RASAL2: variants seen among roughly 807,000 people sequenced by gnomAD.
RASAL2 encodes ras GTPase-activating protein nGAP.
RASAL2 carries 58 observed loss-of-function variants against 128.9 expected under a neutral mutation model. That is an observed-to-expected ratio of 0.45 (90% CI 0.36 to 0.56). The LOEUF (loss-of-function observed/expected upper bound fraction) is 0.56. RASAL2 is among the 20% of genes least tolerant of loss of function. RASAL2 has a pLI of 0.00. For missense variants in RASAL2, 1,360 were observed against 1,601.6 expected (o/e 0.85, Z 2.57); for synonymous variants, 561 against 580.8 (o/e 0.97, Z 0.49).
intron 1 of RASAL2, among the ~76,000 whole-genome samples, chr1:178,155,409 G>GTT (rs34963730): frequency 7.0e-5 from 9 of 128,624 alleles, no homozygotes; most frequent in South Asian, 2.5e-4. Flanking sequence ...TTTTTAGAAA[G>GTT]TTTTTTTTTT....
intron 4 of RASAL2, among the ~76,000 whole-genome samples, chr1:178,394,415 T>C (rs1428207740): frequency 6.6e-6 from 1 of 152,232 alleles, no homozygotes; most frequent in Non-Finnish European, 1.5e-5. Flanking sequence ...GATTATGTCT[T>C]GTAATTGTGT....
intron 1 of RASAL2, among the ~76,000 whole-genome samples, chr1:178,161,272 T>G (rs1008104652): frequency 6.6e-6 from 1 of 152,192 alleles, no homozygotes; most frequent in African/African-American, 2.4e-5. Flanking sequence ...GCATTGTCAT[T>G]GTTCATTTCC....
intron 4 of RASAL2, among the ~76,000 whole-genome samples, chr1:178,413,526 C>G (rs892267162): frequency 2.6e-5 from 4 of 152,168 alleles, no homozygotes; most frequent in African/African-American, 9.7e-5. Flanking sequence ...TACTGCAGTT[C>G]CTCTCACCTG....
chr1:178,325,372 C>G (rs943268825), intron 3 of RASAL2, among the ~76,000 whole-genome samples: 1 of 151,920 alleles, frequency 6.6e-6, no homozygotes, highest in Non-Finnish European at 1.5e-5. Flanking sequence ...TAGGTTTTTT[C>G]CCTCCCACTT....
chr1:178,323,791 T>G (rs1296691599), intron 3 of RASAL2, among the ~76,000 whole-genome samples: 1 of 152,186 alleles, frequency 6.6e-6, no homozygotes, highest in African/African-American at 2.4e-5. Context: ...CATTTTATCC[T>G]TTTTGCTGCA....
chr1:178,393,647 G>A (rs537041933), intron 4 of RASAL2, among the ~76,000 whole-genome samples: 3 of 152,298 alleles, frequency 2.0e-5, no homozygotes, highest in African/African-American at 2.4e-5. Context: ...CTATAGGAGA[G>A]TTTCTTCCTT....
intron 1 of RASAL2, among the ~76,000 whole-genome samples, chr1:178,120,397 G>A (rs1659673200): frequency 6.6e-6 from 1 of 152,184 alleles, no homozygotes; most frequent in Admixed American, 6.5e-5. Flanking sequence ...GAGTTAGCTT[G>A]TGGGCTTACC....
At chr1:178,405,125 C>A (rs1338028049) in intron 4 of RASAL2, among the ~76,000 whole-genome samples, 2 of 152,212 alleles carry the variant, frequency 1.3e-5, no homozygotes, top group Non-Finnish European at 2.9e-5. Context: ...CAAACTGGTA[C>A]AACCCTTCTA....
chr1:178,225,939 A>G (rs1008200938), intron 1 of RASAL2, among the ~76,000 whole-genome samples: 6 of 152,180 alleles, frequency 3.9e-5, no homozygotes, highest in African/African-American at 1.4e-4. Context: ...TATCATGAGC[A>G]CTGCGTAGGT....
intron 1 of RASAL2, among the ~76,000 whole-genome samples, chr1:178,136,273 T>G (rs1660321413): frequency 6.6e-6 from 1 of 152,158 alleles, no homozygotes; most frequent in Non-Finnish European, 1.5e-5. Flanking sequence ...GCAGAAAGAT[T>G]GTAGGCTTGG....
intron 3 of RASAL2, among the ~76,000 whole-genome samples, chr1:178,322,619 C>T (rs1029034801): frequency 1.4e-4 from 22 of 152,208 alleles, no homozygotes; most frequent in African/African-American, 5.1e-4. Flanking sequence ...TTACATTACT[C>T]TTTTATTTCT....
At chr1:178,462,127 A>G (rs1187443862) in intron 14 of RASAL2, among the ~76,000 whole-genome samples, 1 of 152,190 alleles carries the variant, frequency 6.6e-6, no homozygotes, top group Admixed American at 6.5e-5. Flanking sequence ...CCTAAGCAAG[A>G]TGGAATCTGA....
At chr1:178,417,754 C>T (rs1365082132) in intron 4 of RASAL2, among the ~76,000 whole-genome samples, 3 of 122,968 alleles carry the variant, frequency 2.4e-5, no homozygotes, top group African/African-American at 3.6e-5. Context: ...AGTGAAACTC[C>T]GTCTAAAAAA....
At chr1:178,173,102 G>A (rs1661761245) in intron 1 of RASAL2, among the ~76,000 whole-genome samples, 2 of 151,970 alleles carry the variant, frequency 1.3e-5, no homozygotes, top group South Asian at 4.2e-4. Flanking sequence ...TCTAACATAC[G>A]TGTCCATTTC....
At chr1:178,124,091 A>G (rs577634227) in intron 1 of RASAL2, among the ~76,000 whole-genome samples, 1 of 152,186 alleles carries the variant, frequency 6.6e-6, no homozygotes, top group Middle Eastern at 3.2e-3. Context: ...TACATACCCC[A>G]TGGGTGTTCC....
intron 8 of RASAL2, among the ~76,000 whole-genome samples, chr1:178,443,556 C>T (rs984803127): frequency 6.6e-6 from 1 of 152,104 alleles, no homozygotes; most frequent in Non-Finnish European, 1.5e-5. Flanking sequence ...TAATTTAGTT[C>T]TAGAGTGTTG....
intron 1 of RASAL2, among the ~76,000 whole-genome samples, chr1:178,106,496 G>A (rs1462730396): frequency 3.3e-5 from 5 of 152,182 alleles, no homozygotes; most frequent in Admixed American, 2.0e-4. Flanking sequence ...CTGTATCAAC[G>A]TATGGACCTT....
chr1:178,434,794 T>A (rs1206389859), intron 5 of RASAL2, among the ~76,000 whole-genome samples: 2 of 151,758 alleles, frequency 1.3e-5, no homozygotes, highest in African/African-American at 4.8e-5. Flanking sequence ...AAAATTATAA[T>A]ACAAGAAAGG....
intron 2 of RASAL2, among the ~76,000 whole-genome samples, chr1:178,286,983 A>G (rs1571782821): frequency 1.3e-5 from 2 of 152,030 alleles, no homozygotes; most frequent in African/African-American, 4.8e-5. Flanking sequence ...TATTTCAGCA[A>G]TCCTTCAACC....
Sources: allele counts gnomAD v4.1 joint callset (sites outside exome capture counted in the v4.1 genomes callset), GRCh38; gene constraint gnomAD v4.1.1; transcripts MANE v1.5; gene names NCBI Gene and HGNC (gene_info 2026-07-23, HGNC 2026-07-21).